The following POLR3G variants were observed in gnomAD, a reference collection of about 807,000 sequenced individuals.
POLR3G encodes the protein DNA-directed RNA polymerase III subunit RPC7.
POLR3G carries 28 observed loss-of-function variants against 30.1 expected under a neutral mutation model. That is an observed-to-expected ratio of 0.93 (90% CI 0.69 to 1.27). POLR3G has a LOEUF of 1.27. Ranked by LOEUF, POLR3G falls within the 50% of genes most tolerant of loss-of-function variation. The pLI, the probability that POLR3G is intolerant of heterozygous loss-of-function variation, is 0.00. For synonymous variants in POLR3G, 79 were observed against 82.5 expected (o/e 0.96, Z 0.23); for missense variants, 254 against 264.6 (o/e 0.96, Z 0.28).
At chr5:90,489,919 C>T (rs1443071615) in intron 3 of POLR3G, among the ~76,000 whole-genome samples, 1 of 151,998 alleles carries the variant, frequency 6.6e-6, no homozygotes, top group Admixed American at 6.6e-5. Flanking sequence ...TCAGCCTGGC[C>T]AACATGGGAA....
rs1752795312 is a variant in POLR3G, at chr5:90,512,715, A to G, written c.*576A>G. On this transcript the variant is annotated 3_prime_UTR_variant, in exon 8 of 8. Coordinates refer to ENST00000651687, the MANE Select transcript of POLR3G (RefSeq NM_006467.3). ...AAACATACACATAGGGAAAAATACC[A>G]AACTGAGCAATATAAATTTCACAGC... 1 of 152,666 alleles carries G rather than the reference A, an allele frequency of 6.6e-6. No individual in the cohort carries two copies. 9.5% of individuals were successfully genotyped at this position (152,666 alleles called of 1,614,324 possible).
At position 90,501,976 on chromosome 5, in the gene POLR3G, G is replaced by A. The variant is rs1393460884; in HGVS notation, c.426G>A (p.Leu142=). 2 of 1,611,328 alleles carry A rather than the reference G, an allele frequency of 1.2e-6. No individual in the cohort carries two copies. Among genetic ancestry groups the A allele is most frequent in the East Asian group, 4.5e-5 (2 of 44,724 alleles). The change falls in exon 6 of 8, where the codon TTG becomes TTA. Residue 142 remains leucine (L), a synonymous_variant. Coordinates refer to ENST00000651687, the MANE Select transcript of POLR3G (RefSeq NM_006467.3). Reference sequence around the variant, plus strand: ...CACTCACTAATACTGAAGATGTGTTGAAAAAAATGGAGGTAAGGTTTTCTT... The same window carrying A: ...CACTCACTAATACTGAAGATGTGTTAAAAAAAATGGAGGTAAGGTTTTCTT... ...GTPLTNTEDV[L]KKMEELEKRG...
At chr5:90,487,978 C>A (rs1481539560) in intron 2 of POLR3G, 22 bp from the exon 3 acceptor site, 5 of 1,508,290 alleles carry the variant, frequency 3.3e-6, no homozygotes, top group East Asian at 4.8e-5. Flanking sequence ...TGAAAAAAAT[C>A]TTTGTCTCTT....
intron 3 of POLR3G, among the ~76,000 whole-genome samples, chr5:90,494,797 C>T (rs962553237): frequency 6.6e-6 from 1 of 151,626 alleles, no homozygotes; most frequent in African/African-American, 2.4e-5. Context: ...CTCTGTATTT[C>T]ATTATTTGAA....
At chr5:90,486,954 A>G (rs1371129112) in intron 2 of POLR3G, among the ~76,000 whole-genome samples, 2 of 152,238 alleles carry the variant, frequency 1.3e-5, no homozygotes, top group African/African-American at 4.8e-5. Flanking sequence ...CAAATTTTGA[A>G]AATGTACCTT....
chr5:90,499,999 G>C (rs1384819751), intron 5 of POLR3G, among the ~76,000 whole-genome samples: 1 of 152,100 alleles, frequency 6.6e-6, no homozygotes, highest in Middle Eastern at 3.2e-3. Flanking sequence ...TTAAAGCTGA[G>C]AAAAATGTGT....
rs761315363 is a variant in POLR3G at position 90,495,709 on chromosome 5, G to A, written c.280G>A (p.Val94Ile). The A allele has an allele frequency of 5.8e-5, 92 of 1,597,442 alleles. No homozygotes were observed. The highest frequency in any genetic ancestry group is 3.3e-4 in the Middle Eastern group (2 of 6,040). Residue 94 changes from valine (V) to isoleucine (I), a missense_variant, in exon 4 of 8, where the codon GTA (valine) becomes ATA (isoleucine). Coordinates refer to ENST00000651687, the MANE Select transcript of POLR3G (RefSeq NM_006467.3). Reference protein sequence around the residue: ...IERYSKRYMKVYKEEWIPDWR... With the variant: ...IERYSKRYMKIYKEEWIPDWR... ...AAGGTATAGTAAAAGATACATGAAG[G>A]TATACAAGGAAGAATGGATACCAGG...
chr5:90,490,854 A>G (rs1751690054), intron 3 of POLR3G: 1 of 160,336 alleles, frequency 6.2e-6, no homozygotes, highest in African/African-American at 2.4e-5. Flanking sequence ...TATAATATCC[A>G]TGCTATGAGT....
At chr5:90,491,795 TC>T (rs1312031433) in intron 3 of POLR3G, among the ~76,000 whole-genome samples, 1 of 152,004 alleles carries the variant, frequency 6.6e-6, no homozygotes, top group Admixed American at 6.6e-5. Flanking sequence ...CATCAGACAT[TC>T]CCCACTATGC....
intron 1 of POLR3G, among the ~76,000 whole-genome samples, chr5:90,483,386 C>T (rs1751247329): frequency 1.3e-5 from 2 of 152,068 alleles, no homozygotes; most frequent in Non-Finnish European, 2.9e-5. Flanking sequence ...AATCAAATGC[C>T]GTGCATTCTA....
intron 3 of POLR3G, among the ~76,000 whole-genome samples, chr5:90,489,129 A>G (rs571482199): frequency 7.2e-4 from 109 of 152,320 alleles, no homozygotes; most frequent in Non-Finnish European, 1.4e-3. Flanking sequence ...AGGAAGCCTT[A>G]TGTAATGATC....
chr5:90,474,104 C>T, upstream of POLR3G: 1 of 1,577,108 alleles, frequency 6.3e-7, no homozygotes, highest in Non-Finnish European at 8.6e-7. Context: ...CTCGGTCCTG[C>T]AAGAGGCCGG....
At chr5:90,474,424 G>C (rs1750666462), upstream of POLR3G, 2 of 811,672 alleles carry the variant, frequency 2.5e-6, no homozygotes, top group Admixed American at 2.6e-5. Context: ...AGCGAGGCGG[G>C]GGCGTGGGAT....
rs1415778082 is a variant in POLR3G at position 90,513,942 on chromosome 5, T to C, written c.*1803T>C. On this transcript the variant is annotated 3_prime_UTR_variant, in exon 8 of 8. Coordinates refer to ENST00000651687, the MANE Select transcript of POLR3G (RefSeq NM_006467.3). Reference sequence around the variant, plus strand: ...TTCAGAAATCTTATCAATATTGTTCTATTTACCTACTTATAAATCTGCAGA... The same window carrying C: ...TTCAGAAATCTTATCAATATTGTTCCATTTACCTACTTATAAATCTGCAGA... The C allele has an allele frequency of 1.3e-5, 2 of 152,238 alleles. No homozygotes were observed. Among genetic ancestry groups the C allele is most frequent in the African/African-American group, 4.8e-5 (2 of 41,474 alleles). The allele number at this position is 152,238 out of a possible 1,614,324, so 9.4% of individuals were successfully genotyped here. A position where few individuals can be genotyped will look rare whatever the true frequency, so the allele number is the denominator to read the frequency against.
intron 5 of POLR3G, among the ~76,000 whole-genome samples, chr5:90,499,357 G>C (rs1752133246): frequency 6.6e-6 from 1 of 152,210 alleles, no homozygotes; most frequent in Non-Finnish European, 1.5e-5. Flanking sequence ...AGGTAGTCTG[G>C]TATTTCGGAA....
chr5:90,498,447 C>G (rs1287656909), intron 5 of POLR3G, among the ~76,000 whole-genome samples: 5 of 152,044 alleles, frequency 3.3e-5, no homozygotes, highest in Non-Finnish European at 5.9e-5. Flanking sequence ...TTTAGTAGTT[C>G]ACTGTGTCTG....
chr5:90,502,674 G>A (rs1232356335), intron 6 of POLR3G, among the ~76,000 whole-genome samples: 1 of 151,840 alleles, frequency 6.6e-6, no homozygotes, highest in Non-Finnish European at 1.5e-5. Context: ...TTCATACATA[G>A]CAAATACGAG....
chr5:90,474,374 T>C, upstream of POLR3G: 2 of 1,313,852 alleles, frequency 1.5e-6, no homozygotes, highest in East Asian at 4.8e-5. Flanking sequence ...GCACTGCGGC[T>C]GTGTGAAGCG....
upstream of POLR3G, chr5:90,474,756 G>A (rs894702950): frequency 3.7e-4 from 71 of 190,564 alleles, no homozygotes; most frequent in Non-Finnish European, 5.9e-4. Flanking sequence ...AAAGTGTGGG[G>A]CCTCGCGGGT....
Sources: gnomAD v4.1 joint callset for allele counts (sites outside exome capture counted in the v4.1 genomes callset) on GRCh38, gnomAD v4.1.1 for gene constraint, MANE v1.5 for transcripts, NCBI Gene and HGNC (gene_info 2026-07-23, HGNC 2026-07-21) for gene names.